CIPC: variants seen among roughly 807,000 people sequenced by gnomAD.
CIPC encodes the protein CLOCK interacting pacemaker, also known as CLOCK-interacting pacemaker.
Under a neutral mutation model 26.7 loss-of-function variants are expected in CIPC, and 12 were observed. The ratio of observed to expected loss-of-function variants is 0.45; its 90% CI spans 0.29 to 0.73. The LOEUF (loss-of-function observed/expected upper bound fraction) is 0.73, where lower values mean the gene tolerates loss of function less well. Among genes scored for constraint, CIPC ranks in the 30% least tolerant of loss-of-function variants. The pLI is 0.12. For synonymous variants in CIPC, 170 were observed against 189.8 expected (o/e 0.90, Z 0.86); for missense variants, 417 against 486.5 (o/e 0.86, Z 1.34).
chr14:77,106,438 T>G (rs903913183), intron 2 of CIPC, among the ~76,000 whole-genome samples: 1 of 152,208 alleles, frequency 6.6e-6, no homozygotes, highest in Non-Finnish European at 1.5e-5. Context: ...TTACAAGTTT[T>G]TCTTAAACCT....
chr14:77,105,212 A>ACGAGGAAAGCAAGCCTTG (rs1208333220), intron 1 of CIPC, among the ~76,000 whole-genome samples: 3 of 152,212 alleles, frequency 2.0e-5, no homozygotes, highest in Non-Finnish European at 4.4e-5. Flanking sequence ...GCAAATGTAC[A>ACGAGGAAAGCAAGCCTTG]CGAGGAAAGC....
intron 2 of CIPC, among the ~76,000 whole-genome samples, chr14:77,106,547 G>A (rs982490819): frequency 1.7e-4 from 26 of 152,206 alleles, no homozygotes; most frequent in Admixed American, 1.1e-3. Context: ...TGAATATGGC[G>A]CTAGTGTGAT....
intron 3 of CIPC, among the ~76,000 whole-genome samples, chr14:77,110,522 A>G (rs1322688841): frequency 2.6e-5 from 4 of 152,194 alleles, no homozygotes; most frequent in African/African-American, 9.7e-5. Flanking sequence ...TACCAGCAGA[A>G]TCCACACAGT....
intron 2 of CIPC, among the ~76,000 whole-genome samples, chr14:77,107,186 A>G (rs1410944873): frequency 6.6e-6 from 1 of 152,210 alleles, no homozygotes; most frequent in Non-Finnish European, 1.5e-5. Flanking sequence ...ATACGTGCTC[A>G]TTGTAAAAGC....
chr14:77,100,236 CTTT>C (rs1337901963), intron 1 of CIPC, among the ~76,000 whole-genome samples: 7 of 79,368 alleles, frequency 8.8e-5, no homozygotes, highest in Admixed American at 1.8e-4. Context: ...CACTTTCTTT[CTTT>C]CTTTTTTTTT....
intron 1 of CIPC, among the ~76,000 whole-genome samples, chr14:77,104,831 C>T (rs188106445): frequency 7.9e-5 from 12 of 152,294 alleles, no homozygotes; most frequent in African/African-American, 2.4e-4. Context: ...AAGAAGGAAG[C>T]GACAGATGCC....
In CIPC at chr14:77,114,388, C is replaced by T; in HGVS notation, c.*70C>T. ...ATTTGCTGTTACCTACTCCTGTTTC[C>T]CAAAGCTTATGTAAGAGCTTTTCCT... On this transcript the variant is annotated 3_prime_UTR_variant, in exon 4 of 4. Coordinates refer to ENST00000361786, the MANE Select transcript of CIPC (RefSeq NM_033426.3). The T allele has an allele frequency of 1.4e-6, 2 of 1,454,754 alleles. No individual in the cohort carries two copies. Among genetic ancestry groups the T allele is most frequent in the Non-Finnish European group, 1.9e-6 (2 of 1,077,864 alleles). 90.1% of individuals were successfully genotyped at this position (1,454,754 alleles called of 1,614,324 possible).
chr14:77,114,512 C>A lies in CIPC; in HGVS notation c.*194C>A. 1 of 588,918 alleles carries A rather than the reference C, an allele frequency of 1.7e-6. No homozygotes were observed. 36.5% of individuals were successfully genotyped at this position (588,918 alleles called of 1,614,324 possible). Reference sequence around the variant, plus strand: ...TCTGGGCACAGGATACATATGTCCCCGTCCCACTGAGGACCTCAGTTTGGG... The same window carrying A: ...TCTGGGCACAGGATACATATGTCCCAGTCCCACTGAGGACCTCAGTTTGGG... On this transcript the variant is annotated 3_prime_UTR_variant, in exon 4 of 4. Coordinates refer to ENST00000361786, the MANE Select transcript of CIPC (RefSeq NM_033426.3).
At position 77,114,618 on chromosome 14, in the gene CIPC, T is replaced by G. The variant is rs1886773638; in HGVS notation, c.*300T>G. On this transcript the variant is annotated 3_prime_UTR_variant, in exon 4 of 4. Coordinates refer to ENST00000361786, the MANE Select transcript of CIPC (RefSeq NM_033426.3). Reference sequence around the variant, plus strand: ...AAAGCAGGAGATGATTGTGTGGGGCTCTTCCTGCTGTCACCTCCCATCATC... The same window carrying G: ...AAAGCAGGAGATGATTGTGTGGGGCGCTTCCTGCTGTCACCTCCCATCATC... 1 of 310,358 alleles carries G rather than the reference T, an allele frequency of 3.2e-6. No homozygotes were observed. Among genetic ancestry groups the G allele is most frequent in the Non-Finnish European group, 6.0e-6 (1 of 166,198 alleles). 19.2% of individuals were successfully genotyped at this position (310,358 alleles called of 1,614,324 possible).
intron 2 of CIPC, among the ~76,000 whole-genome samples, chr14:77,108,902 C>T (rs1886642915): frequency 6.6e-6 from 1 of 152,144 alleles, no homozygotes; most frequent in Non-Finnish European, 1.5e-5. Flanking sequence ...GGAGTCCCCT[C>T]AAGATAGCTC....
intron 1 of CIPC, among the ~76,000 whole-genome samples, chr14:77,101,818 G>A (rs1886491352): frequency 1.3e-5 from 2 of 152,206 alleles, no homozygotes; most frequent in Non-Finnish European, 2.9e-5. Flanking sequence ...GGGCATGGTG[G>A]CTTATGCCTG....
chr14:77,116,449 A>G lies in CIPC; in HGVS notation c.*2131A>G, dbSNP rs1317835193. On this transcript the variant is annotated 3_prime_UTR_variant, in exon 4 of 4. Transcript: ENST00000361786. Reference sequence around the variant, plus strand: ...CACCAGTCATGAGTCTTACTGTGTCAAAAATCTGAAAACACTTGCTGAGAA... The same window carrying G: ...CACCAGTCATGAGTCTTACTGTGTCGAAAATCTGAAAACACTTGCTGAGAA... 1.3e-5 allele frequency: 2 copies of G among 152,214 alleles called. No homozygotes were observed. The highest frequency in any genetic ancestry group is 2.9e-5 in the Non-Finnish European group (2 of 68,032). 9.4% of individuals were successfully genotyped at this position (152,214 alleles called of 1,614,324 possible).
chr14:77,100,903 T>C (rs1886468102), intron 1 of CIPC, among the ~76,000 whole-genome samples: 1 of 152,216 alleles, frequency 6.6e-6, no homozygotes, highest in Non-Finnish European at 1.5e-5. Context: ...TAGTGTGTAC[T>C]ATCCTCTCTG....
intron 1 of CIPC, among the ~76,000 whole-genome samples, chr14:77,100,240 C>CTTT (rs57785837): frequency 2.6e-4 from 34 of 130,526 alleles, no homozygotes; most frequent in African/African-American, 5.5e-4. Flanking sequence ...TTCTTTCTTT[C>CTTT]TTTTTTTTTT....
At chr14:77,112,866 A>T (rs1395941164) in intron 3 of CIPC, among the ~76,000 whole-genome samples, 2 of 152,040 alleles carry the variant, frequency 1.3e-5, no homozygotes, top group Admixed American at 6.6e-5. Flanking sequence ...GCACACCACC[A>T]AGCCCAGCTA....
At chr14:77,100,891 TTTAGTGTGTACTA>T (rs1412375271) in intron 1 of CIPC, among the ~76,000 whole-genome samples, 1 of 152,168 alleles carries the variant, frequency 6.6e-6, no homozygotes, top group African/African-American at 2.4e-5. Context: ...CATTATGAGT[TTTAGTGTGTACTA>T]TCCTCTCTGG....
At chr14:77,113,380 T>G (rs1214743820) in intron 3 of CIPC, 45 bp from the exon 4 acceptor site, 1 of 1,606,854 alleles carries the variant, frequency 6.2e-7, no homozygotes, top group Non-Finnish European at 8.5e-7. Flanking sequence ...CCTCTATCCT[T>G]TCAGCAGTAA....
intron 1 of CIPC, among the ~76,000 whole-genome samples, chr14:77,100,311 G>A (rs1371129354): frequency 1.4e-5 from 2 of 140,882 alleles, no homozygotes; most frequent in East Asian, 2.1e-4. Flanking sequence ...GCACAATTTC[G>A]GCTTACTACA....
chr14:77,114,198 T>C lies in CIPC; in HGVS notation c.1080T>C (p.Phe360=), dbSNP rs771630934. 2.5e-6 allele frequency: 4 copies of C among 1,614,144 alleles called. No homozygotes were observed. Among genetic ancestry groups the C allele is most frequent in the Middle Eastern group, 1.6e-4 (1 of 6,062 alleles). ...LDQLKEQTQL[F]IEATKSRAPQ... ...AGCTAAAGGAGCAAACCCAGCTGTT[T>C]ATAGAAGCCACCAAGAGCAGGGCCC... Residue 360 remains phenylalanine (F), a synonymous_variant, in exon 4 of 4, where the codon TTT becomes TTC. Transcript: ENST00000361786.
Sources: gnomAD v4.1 joint callset for allele counts (sites outside exome capture counted in the v4.1 genomes callset) on GRCh38, gnomAD v4.1.1 for gene constraint, MANE v1.5 for transcripts, NCBI Gene and HGNC (gene_info 2026-07-23, HGNC 2026-07-21) for gene names.